The following ANK3 variants were observed in gnomAD, a reference collection of about 807,000 sequenced individuals.
ANK3 encodes the protein ankyrin 3.
ANK3 carries 57 observed loss-of-function variants against 370.9 expected under a neutral mutation model. The observed-to-expected ratio is 0.15, with a 90% CI of 0.12 to 0.19. The LOEUF is 0.19. Among genes scored for constraint, ANK3 ranks in the 10% least tolerant of loss-of-function variants. The pLI, the probability that ANK3 is intolerant of heterozygous loss-of-function variation, is 1.00. For missense variants in ANK3, 4,439 were observed against 5,302.1 expected (o/e 0.84, Z 5.06); for synonymous variants, 1,929 against 1,946.3 (o/e 0.99, Z 0.23).
chr10:60,261,747 C>T (rs997307022), intron 7 of ANK3, 112 bp downstream of exon 7: 2 of 830,514 alleles, frequency 2.4e-6, no homozygotes, highest in Admixed American at 2.1e-5. Context: ...ATAGCCTTCA[C>T]TGACTGGAAG....
chr10:60,117,534 T>A (rs1034467379), intron 25 of ANK3, among the ~76,000 whole-genome samples: 1 of 151,924 alleles, frequency 6.6e-6, no homozygotes, highest in Non-Finnish European at 1.5e-5. Flanking sequence ...GAAAAAGCAA[T>A]CAGGTCAGGC....
chr10:60,324,079 T>C (rs2049255679), intron 1 of ANK3, among the ~76,000 whole-genome samples: 1 of 152,078 alleles, frequency 6.6e-6, no homozygotes, highest in Non-Finnish European at 1.5e-5. Flanking sequence ...AGGTAGTAAC[T>C]AGAAGAAGAC....
chr10:60,101,952 G>A (rs1164990859), intron 28 of ANK3, among the ~76,000 whole-genome samples: 1 of 151,940 alleles, frequency 6.6e-6, no homozygotes, highest in Admixed American at 6.6e-5. Flanking sequence ...AGAGCATACA[G>A]AGGCAAAGGA....
intron 6 of ANK3, 144 bp downstream of exon 6, chr10:60,263,691 G>T: frequency 1.1e-6 from 1 of 948,824 alleles, no homozygotes; most frequent in Non-Finnish European, 1.6e-6. Flanking sequence ...GCCTTCAGTG[G>T]CTAGCTCAGA....
intron 1 of ANK3, among the ~76,000 whole-genome samples, chr10:60,357,455 T>A (rs770374004): frequency 3.2e-4 from 48 of 152,320 alleles, no homozygotes; most frequent in Admixed American, 5.2e-4. Flanking sequence ...TTCCTCCTTA[T>A]CAGCTTATAT....
chr10:60,442,731 C>T lies in ANK3; in HGVS notation c.97-163092G>A, dbSNP rs72806194. 5.1e-3 allele frequency among the ~76,000 whole-genome samples: 770 copies of T among 152,256 alleles called. 4 individuals carry two copies. The highest frequency in any genetic ancestry group is 6.4e-3 in the Non-Finnish European group (438 of 68,022). The stretch of plus-strand genomic sequence containing the variant: ...AGTATTCTTCATTCAATCATTACTG[C>T]GTAACTTCTTCTTGTTTTACACATT... On this transcript the variant is annotated intron_variant, in intron 2 of 43. Coordinates refer to the ANK3 transcript ENST00000373827.
chr10:60,036,944 G>A (rs1161264106), intron 43 of ANK3, among the ~76,000 whole-genome samples: 1 of 152,084 alleles, frequency 6.6e-6, no homozygotes, highest in Non-Finnish European at 1.5e-5. Flanking sequence ...ATAAATACTT[G>A]GATGTCTCAT....
Position 60,571,004 on chromosome 10 carries a change from C to T in ANK3, c.96+44182G>A, listed in dbSNP as rs529866401. ...CTCTATGTTCAGAATCATGGTGGAG[C>T]CTGTCAAGACACTTAAAGCCATATC... On this transcript the variant is annotated intron_variant, in intron 2 of 43. Coordinates refer to the ANK3 transcript ENST00000373827. Among the ~76,000 whole-genome samples the T allele has an allele frequency of 1.3e-4, 20 of 151,786 alleles. No homozygotes were observed. In the South Asian group the frequency reaches 1.7e-3, roughly 13 times the overall value.
At chr10:60,095,086 G>A (rs1248568655) in intron 28 of ANK3, among the ~76,000 whole-genome samples, 3 of 152,188 alleles carry the variant, frequency 2.0e-5, no homozygotes, top group East Asian at 1.9e-4. Flanking sequence ...CGCATTGCTC[G>A]GCATCATGAG....
intron 2 of ANK3, among the ~76,000 whole-genome samples, chr10:60,501,843 C>T (rs1157837817): frequency 1.3e-5 from 2 of 151,996 alleles, no homozygotes; most frequent in South Asian, 2.1e-4. Flanking sequence ...GAAAAATAGC[C>T]AGGCTTGGTG....
At chr10:60,561,440 C>T (rs1041418367) in intron 2 of ANK3, among the ~76,000 whole-genome samples, 5 of 152,200 alleles carry the variant, frequency 3.3e-5, no homozygotes, top group Middle Eastern at 3.4e-3. Context: ...AAATTCCTCA[C>T]GTACATAAGG....
chr10:60,162,925 G>A (rs184681049), intron 23 of ANK3, among the ~76,000 whole-genome samples: 22 of 152,058 alleles, frequency 1.4e-4, no homozygotes, highest in Middle Eastern at 3.4e-3. Context: ...AATTCTACAA[G>A]CTAAAATAAC....
At chr10:60,122,508 T>A (rs764329276) in intron 25 of ANK3, among the ~76,000 whole-genome samples, 53 of 152,372 alleles carry the variant, frequency 3.5e-4, no homozygotes, top group Non-Finnish European at 6.6e-4. Flanking sequence ...CCTTTCCTTA[T>A]CTTTACTTAT....
chr10:60,209,524 C>A (rs1225404037), intron 9 of ANK3, among the ~76,000 whole-genome samples: 1 of 152,146 alleles, frequency 6.6e-6, no homozygotes, highest in Non-Finnish European at 1.5e-5. Flanking sequence ...CAGAAGAGAG[C>A]TTTGCATATA....
chr10:60,102,825 A>G (rs913494790), intron 28 of ANK3, among the ~76,000 whole-genome samples: 1 of 152,216 alleles, frequency 6.6e-6, no homozygotes, highest in Non-Finnish European at 1.5e-5. Flanking sequence ...GAATTCATCT[A>G]TGGAGAAGGG....
intron 2 of ANK3, among the ~76,000 whole-genome samples, chr10:60,602,890 T>A (rs2078083017): frequency 6.6e-6 from 1 of 152,178 alleles, no homozygotes; most frequent in South Asian, 2.1e-4. Context: ...AATTTTTAAA[T>A]TTTTCAATAA....
chr10:60,264,491 C>T (rs2097851042), intron 5 of ANK3, among the ~76,000 whole-genome samples: 1 of 151,802 alleles, frequency 6.6e-6, no homozygotes, highest in Admixed American at 6.6e-5. Flanking sequence ...ACTAAAAATA[C>T]AAAAATTGGC....
intron 1 of ANK3, among the ~76,000 whole-genome samples, chr10:60,668,718 G>C (rs546624842): frequency 6.6e-6 from 1 of 152,298 alleles, no homozygotes; most frequent in South Asian, 2.1e-4. Flanking sequence ...AAATGACCAA[G>C]CACGGTGGCT....
chr10:60,109,344 A>T (rs982100352), intron 26 of ANK3, among the ~76,000 whole-genome samples: 3 of 152,172 alleles, frequency 2.0e-5, no homozygotes, highest in African/African-American at 7.2e-5. Context: ...TCAAAACTGG[A>T]GTAAAATCGG....
Sources: allele counts gnomAD v4.1 joint callset (sites outside exome capture counted in the v4.1 genomes callset), GRCh38; gene constraint gnomAD v4.1.1; transcripts MANE v1.5; gene names NCBI Gene and HGNC (gene_info 2026-07-23, HGNC 2026-07-21).